The following ASB18 variants were observed in gnomAD, a reference collection of about 807,000 sequenced individuals.
ASB18 encodes ankyrin repeat and SOCS box containing 18.
A neutral mutation model predicts 33.4 loss-of-function variants in ASB18; 33 were observed. That is an observed-to-expected ratio of 0.99 (90% CI 0.75 to 1.32). The LOEUF (loss-of-function observed/expected upper bound fraction) is 1.32, where lower values mean the gene tolerates loss of function less well. ASB18 is among the 40% of genes most tolerant of loss of function. ASB18 has a pLI of 0.00. For missense variants in ASB18, 694 were observed against 655.5 expected (o/e 1.06, Z -0.64); for synonymous variants, 295 against 307.6 (o/e 0.96, Z 0.43).
At chr2:236,242,774 C>A (rs1576408878) in intron 1 of ASB18, among the ~76,000 whole-genome samples, 2 of 149,970 alleles carry the variant, frequency 1.3e-5, no homozygotes, top group Non-Finnish European at 3.0e-5. Context: ...CCAATCCCAG[C>A]ACTTTGGGAG....
rs1194363751 is a variant in ASB18, at chr2:236,235,767, C to T, written c.596+1922G>A. ...TGTCACCCAGGCTGGAGTGCAGTGGCGTGAACATGGCTTACTCCTGTGCTC... is the reference window on the plus strand; with the variant it reads ...TGTCACCCAGGCTGGAGTGCAGTGGTGTGAACATGGCTTACTCCTGTGCTC... On this transcript the variant is annotated intron_variant, in intron 3 of 5. Coordinates refer to ENST00000409749, the MANE Select transcript of ASB18 (RefSeq NM_212556.4). The surrounding 1 kb of genome is among the most constrained non-coding windows in gnomAD (Gnocchi z 6.2). Among the ~76,000 whole-genome samples, 3 of 152,304 alleles carry T rather than the reference C, an allele frequency of 2.0e-5. No homozygotes were observed. The highest frequency in any genetic ancestry group is 3.4e-3 in the Middle Eastern group (1 of 294).
At position 236,204,103 on chromosome 2, in the gene ASB18, C is replaced by T. The variant is rs2060421261; in HGVS notation, c.1102-7718G>A. Among the ~76,000 whole-genome samples the T allele has an allele frequency of 6.6e-6, 1 of 151,994 alleles. No homozygotes were observed. Among genetic ancestry groups the T allele is most frequent in the African/African-American group, 2.4e-5 (1 of 41,386 alleles). On this transcript the variant is annotated intron_variant, in intron 4 of 5. Transcript: ENST00000409749. This position sits in a 1 kb window ranked among gnomAD's most constrained non-coding sequence, Gnocchi z 5.1. ...GGGGAGAATCTGGGGATGGATTTCCCCCTTCCTGAGCTCTTCGTTAGTGTT... is the reference window on the plus strand; with the variant it reads ...GGGGAGAATCTGGGGATGGATTTCCTCCTTCCTGAGCTCTTCGTTAGTGTT...
rs1443290351 is a variant in ASB18 at position 236,219,577 on chromosome 2, C to A, written c.597-4711G>T. Among the ~76,000 whole-genome samples, 1 of 152,176 alleles carries A rather than the reference C, an allele frequency of 6.6e-6. No individual in the cohort carries two copies. Among genetic ancestry groups the A allele is most frequent in the South Asian group, 2.1e-4 (1 of 4,818 alleles). ...ACCTGACCCCAGGACCCAGGCCCAT[C>A]CTTGAAACACTATCATTTCAATCCC... On this transcript the variant is annotated intron_variant, in intron 3 of 5. Transcript: ENST00000409749. This position sits in a 1 kb window ranked among gnomAD's most constrained non-coding sequence, Gnocchi z 6.4.
rs2060366357 is a variant in ASB18, at chr2:236,195,235, G to A, written c.1216-178C>T. Among the ~76,000 whole-genome samples, 2 of 152,230 alleles carry A rather than the reference G, an allele frequency of 1.3e-5. No homozygotes were observed. The highest frequency in any genetic ancestry group is 2.9e-5 in the Non-Finnish European group (2 of 68,038). ...ACCACCCTCTACCCCAGGGGCTTGT[G>A]TGCTCTCCCAAAGCACAGTTCCTGC... On this transcript the variant is annotated intron_variant, in intron 5 of 5. Coordinates refer to ENST00000409749, the MANE Select transcript of ASB18 (RefSeq NM_212556.4). This position sits in a 1 kb window ranked among gnomAD's most constrained non-coding sequence, Gnocchi z 5.5.
In ASB18 at chr2:236,195,952, C is replaced by T. The variant is rs2060369629; in HGVS notation, c.1215+320G>A. 1.5e-5 allele frequency: 6 copies of T among 389,236 alleles called. No individual in the cohort carries two copies. Among genetic ancestry groups the T allele is most frequent in the South Asian group, 8.8e-5 (4 of 45,448 alleles). 24.1% of individuals were successfully genotyped at this position (389,236 alleles called of 1,614,324 possible). On this transcript the variant is annotated intron_variant, in intron 5 of 5. Transcript: ENST00000409749. The surrounding 1 kb of genome is among the most constrained non-coding windows in gnomAD (Gnocchi z 5.5). ...ACAGGGCCGGATTAGTATGTCCTGA[C>T]GTGGAGCTAGGCCCGTGGATTCAGG...
Position 236,264,007 on chromosome 2 carries a change from G to C in ASB18, c.205+134C>G. On this transcript the variant is annotated intron_variant, in intron 1 of 5. Coordinates refer to ENST00000409749, the MANE Select transcript of ASB18 (RefSeq NM_212556.4). The surrounding 1 kb of genome is among the most constrained non-coding windows in gnomAD (Gnocchi z 5.1). The stretch of plus-strand genomic sequence containing the variant: ...ATGCAGTACACATATATGCATGTAT[G>C]TATGAGAGTCAGATATCCGAGTACA... The C allele has an allele frequency of 1.4e-6, 1 of 718,324 alleles. No homozygotes were observed. Among genetic ancestry groups the C allele is most frequent in the African/African-American group, 1.7e-5 (1 of 57,492 alleles). 44.5% of individuals were successfully genotyped at this position (718,324 alleles called of 1,614,324 possible).
At position 236,255,153 on chromosome 2, in the gene ASB18, T is replaced by C. The variant is rs1471774891; in HGVS notation, c.205+8988A>G. Reference sequence around the variant, plus strand: ...GGTATTTCTTTCTTTTTCTTTTTTTTCTTTCTTTGAGACGGAGTCTCATTC... The same window carrying C: ...GGTATTTCTTTCTTTTTCTTTTTTTCCTTTCTTTGAGACGGAGTCTCATTC... On this transcript the variant is annotated intron_variant, in intron 1 of 5. Coordinates refer to ENST00000409749, the MANE Select transcript of ASB18 (RefSeq NM_212556.4). This position sits in a 1 kb window ranked among gnomAD's most constrained non-coding sequence, Gnocchi z 4.4. Among the ~76,000 whole-genome samples the C allele has an allele frequency of 1.3e-5, 2 of 152,138 alleles. No individual in the cohort carries two copies. Among genetic ancestry groups the C allele is most frequent in the African/African-American group, 2.4e-5 (1 of 41,418 alleles).
intron 4 of ASB18, among the ~76,000 whole-genome samples, chr2:236,199,427 A>AG (rs1194304707): frequency 1.4e-5 from 2 of 145,740 alleles, no homozygotes; most frequent in Non-Finnish European, 3.0e-5. Flanking sequence ...AAAAAAAAAA[A>AG]AGAAAAAGAT....
chr2:236,196,453 G>C lies in ASB18; in HGVS notation c.1102-68C>G. The C allele has an allele frequency of 1.2e-6, 1 of 817,794 alleles. No individual in the cohort carries two copies. The highest frequency in any genetic ancestry group is 2.1e-6 in the Non-Finnish European group (1 of 485,154). 50.7% of individuals were successfully genotyped at this position (817,794 alleles called of 1,614,324 possible). ...TCTGGGTCTCAGTGGGGAAAGGGTG[G>C]GGGGTGTGGGGGGATGCTCTCCCTA... On this transcript the variant is annotated intron_variant, in intron 4 of 5. Coordinates refer to ENST00000409749, the MANE Select transcript of ASB18 (RefSeq NM_212556.4). The surrounding 1 kb of genome is among the most constrained non-coding windows in gnomAD (Gnocchi z 5.6).
rs1230607597 is a variant in ASB18, at chr2:236,216,599, A to G, written c.597-1733T>C. 6.6e-6 allele frequency among the ~76,000 whole-genome samples: 1 copy of G among 152,082 alleles called. No individual in the cohort carries two copies. Among genetic ancestry groups the G allele is most frequent in the African/African-American group, 2.4e-5 (1 of 41,424 alleles). On this transcript the variant is annotated intron_variant, in intron 3 of 5. Transcript: ENST00000409749. This position sits in a 1 kb window ranked among gnomAD's most constrained non-coding sequence, Gnocchi z 6.1. ...GTCACTGAGCCATCTCATCACCTGA[A>G]CTGCTTCCTCCCTCCACTCCCAGTG...
In ASB18 at chr2:236,237,873, G is replaced by T; in HGVS notation, c.412C>A (p.His138Asn). The T allele has an allele frequency of 6.7e-7, 1 of 1,485,072 alleles. No individual in the cohort carries two copies. The highest frequency in any genetic ancestry group is 8.9e-7 in the Non-Finnish European group (1 of 1,125,848). 92.0% of individuals were successfully genotyped at this position (1,485,072 alleles called of 1,614,324 possible). ...AAHGHTACVR[H>N]LLGRGADPDA... ...GGGTCTGCGCCGCGGCCGAGCAGGTGTCGCACGCAGGCGGTGTGGCCGTGG... is the reference window on the plus strand; with the variant it reads ...GGGTCTGCGCCGCGGCCGAGCAGGTTTCGCACGCAGGCGGTGTGGCCGTGG... Residue 138 changes from histidine to asparagine, a missense_variant, in exon 3 of 6, where the codon CAC (histidine) becomes AAC (asparagine). By Grantham distance (68) the His-to-Asn change is moderately conservative. Transcript: ENST00000409749. The surrounding 1 kb of genome is among the most constrained non-coding windows in gnomAD (Gnocchi z 6.2).
chr2:236,224,365 T>C (rs72976609), intron 3 of ASB18, among the ~76,000 whole-genome samples: 120 of 152,110 alleles, frequency 7.9e-4, no homozygotes, highest in Non-Finnish European at 1.4e-3. Flanking sequence ...TTGCCCTGAG[T>C]GTAAAGTTTT....
chr2:236,264,006 T>C lies in ASB18; in HGVS notation c.205+135A>G, dbSNP rs773652890. ...TATGCAGTACACATATATGCATGTA[T>C]GTATGAGAGTCAGATATCCGAGTAC... On this transcript the variant is annotated intron_variant, in intron 1 of 5. Transcript: ENST00000409749. This position sits in a 1 kb window ranked among gnomAD's most constrained non-coding sequence, Gnocchi z 5.1. 4.2e-6 allele frequency: 3 copies of C among 711,380 alleles called. No individual in the cohort carries two copies. The South Asian group carries it at 5.2e-5, about 12-fold the overall frequency. 44.1% of individuals were successfully genotyped at this position (711,380 alleles called of 1,614,324 possible).
In ASB18 at chr2:236,254,962, AGT is replaced by A. The variant is rs1455990979; in HGVS notation, c.205+9177_205+9178del. The stretch of plus-strand genomic sequence containing the variant: ...TTCTTGTGAGATCTGGTTGTTTAAA[AGT>A]GTGTAGCACTCGCGACCCCACTCTT... On this transcript the variant is annotated intron_variant, in intron 1 of 5. Coordinates refer to ENST00000409749, the MANE Select transcript of ASB18 (RefSeq NM_212556.4). Among the ~76,000 whole-genome samples the A allele has an allele frequency of 2.0e-5, 3 of 152,014 alleles. No individual in the cohort carries two copies. The East Asian group carries it at 5.8e-4, about 29-fold the overall frequency.
rs1364042570 is a variant in ASB18, at chr2:236,205,576, G to A, written c.1101+8786C>T. Among the ~76,000 whole-genome samples the A allele has an allele frequency of 5.3e-5, 8 of 152,166 alleles. No homozygotes were observed. The highest frequency in any genetic ancestry group is 1.2e-4 in the Non-Finnish European group (8 of 68,032). ...CCATTAGAATGTAAGCTCCACATAG[G>A]CAGGAATACTTCTTTCCCCTTATCT... is the stretch of plus-strand genomic sequence containing the variant. On this transcript the variant is annotated intron_variant, in intron 4 of 5. Transcript: ENST00000409749. This position sits in a 1 kb window ranked among gnomAD's most constrained non-coding sequence, Gnocchi z 5.4.
rs2060708915 is a variant in ASB18, at chr2:236,259,592, T to C, written c.205+4549A>G. 1 of 470,974 alleles carries C rather than the reference T, an allele frequency of 2.1e-6. No individual in the cohort carries two copies. Among genetic ancestry groups the C allele is most frequent in the Non-Finnish European group, 4.4e-6 (1 of 227,010 alleles). The allele number at this position is 470,974 out of a possible 1,614,324, so 29.2% of individuals were successfully genotyped here. Reference sequence around the variant, plus strand: ...CCTGCATGGGGTCGGAAGGATGAGATGGCAAAGGTGAGCAGAGGAGGTGCA... The same window carrying C: ...CCTGCATGGGGTCGGAAGGATGAGACGGCAAAGGTGAGCAGAGGAGGTGCA... On this transcript the variant is annotated intron_variant, in intron 1 of 5. Coordinates refer to ENST00000409749, the MANE Select transcript of ASB18 (RefSeq NM_212556.4). The surrounding 1 kb of genome is among the most constrained non-coding windows in gnomAD (Gnocchi z 4.4).
chr2:236,238,069 G>C lies in ASB18; in HGVS notation c.329-113C>G. On this transcript the variant is annotated intron_variant, in intron 2 of 5. Coordinates refer to ENST00000409749, the MANE Select transcript of ASB18 (RefSeq NM_212556.4). This position sits in a 1 kb window ranked among gnomAD's most constrained non-coding sequence, Gnocchi z 5.2. Reference sequence around the variant, plus strand: ...AGCCGTCTCTTAAAGGTAGGTACCAGGTAGGCATGTAGGGAGAAGAGGATA... The same window carrying C: ...AGCCGTCTCTTAAAGGTAGGTACCACGTAGGCATGTAGGGAGAAGAGGATA... 1 of 870,138 alleles carries C rather than the reference G, an allele frequency of 1.1e-6. No homozygotes were observed. Among genetic ancestry groups the C allele is most frequent in the Non-Finnish European group, 1.6e-6 (1 of 626,292 alleles). 53.9% of individuals were successfully genotyped at this position (870,138 alleles called of 1,614,324 possible). A position where few individuals can be genotyped will look rare whatever the true frequency, so the allele number is the denominator to read the frequency against.
rs2060515493 is a variant in ASB18, at chr2:236,222,101, G to A, written c.597-7235C>T. ...GCCCCAGCTGACTCCGATGAAGGACGGGGAAGCCACAGCTCCACGACTTTG... is the reference window on the plus strand; with the variant it reads ...GCCCCAGCTGACTCCGATGAAGGACAGGGAAGCCACAGCTCCACGACTTTG... On this transcript the variant is annotated intron_variant, in intron 3 of 5. Coordinates refer to ENST00000409749, the MANE Select transcript of ASB18 (RefSeq NM_212556.4). The surrounding 1 kb of genome is among the most constrained non-coding windows in gnomAD (Gnocchi z 5.5). Among the ~76,000 whole-genome samples the A allele has an allele frequency of 1.3e-5, 2 of 152,120 alleles. No individual in the cohort carries two copies. The highest frequency in any genetic ancestry group is 2.1e-4 in the South Asian group (1 of 4,826).
chr2:236,220,328 C>A lies in ASB18; in HGVS notation c.597-5462G>T, dbSNP rs2060505128. Among the ~76,000 whole-genome samples, 1 of 152,186 alleles carries A rather than the reference C, an allele frequency of 6.6e-6. No individual in the cohort carries two copies. On this transcript the variant is annotated intron_variant, in intron 3 of 5. Coordinates refer to ENST00000409749, the MANE Select transcript of ASB18 (RefSeq NM_212556.4). This position sits in a 1 kb window ranked among gnomAD's most constrained non-coding sequence, Gnocchi z 5.1. ...ACTGTTTCCTCCTTCCTTTACCCAC[C>A]TGTCTCACCCACCTGCTCCCACCTG...
Sources: allele counts gnomAD v4.1 joint callset (sites outside exome capture counted in the v4.1 genomes callset), GRCh38; gene constraint gnomAD v4.1.1; non-coding constraint Gnocchi (gnomAD v3.1); transcripts MANE v1.5; gene names NCBI Gene and HGNC (gene_info 2026-07-23, HGNC 2026-07-21).